Variants in P2RX5 observed in about 807,000 individuals in gnomAD.
P2RX5 encodes purinergic receptor P2X 5.
P2RX5 carries 46 observed loss-of-function variants against 54.1 expected under a neutral mutation model. The observed-to-expected ratio is 0.85, with a 90% CI of 0.67 to 1.09. The LOEUF is 1.09. Among genes scored for constraint, P2RX5 ranks in the 50% least tolerant of loss-of-function variants. The pLI is 0.00. For synonymous variants in P2RX5, 226 were observed against 226.4 expected (o/e 1.00, Z 0.02); for missense variants, 566 against 549.8 (o/e 1.03, Z -0.29).
At chr17:3,676,248 A>G in intron 11 of P2RX5, 3 of 985,436 alleles carry the variant, frequency 3.0e-6, no homozygotes, top group Non-Finnish European at 3.6e-6. Flanking sequence ...TCCCAAGCCC[A>G]ACATCGAAAC....
At chr17:3,693,127 C>A (rs1392821383) in intron 1 of P2RX5, among the ~76,000 whole-genome samples, 218 of 101,548 alleles carry the variant, frequency 2.1e-3, no homozygotes, top group Middle Eastern at 5.9e-3. Context: ...AGACATTTCT[C>A]AAAAAAAAAA....
At chr17:3,703,152 A>T in the P2RX5 span, among the ~76,000 whole-genome samples, 1 of 152,120 alleles carries the variant, frequency 6.6e-6, no homozygotes, top group African/African-American at 2.4e-5. Flanking sequence ...GCGAGAATGT[A>T]TGGTGCAATG....
In P2RX5 at chr17:3,696,058, G is replaced by A; in HGVS notation, c.-53C>T. On this transcript the variant is annotated 5_prime_UTR_variant, in exon 1 of 12. Transcript: ENST00000225328. ...CGCCCGGCCCACGTGCGCTCATGGG[G>A]AGCACTCGGTCCCTCGGTCCCTGCG... is the stretch of plus-strand genomic sequence containing the variant. The A allele has an allele frequency of 1.2e-6, 2 of 1,603,078 alleles. No individual in the cohort carries two copies. Among genetic ancestry groups the A allele is most frequent in the Non-Finnish European group, 1.7e-6 (2 of 1,173,738 alleles).
intron 11 of P2RX5, chr17:3,677,449 T>C (rs1286309787): frequency 2.0e-6 from 2 of 985,364 alleles, no homozygotes; most frequent in African/African-American, 3.5e-5. Context: ...AGCTGCCTCC[T>C]GACTGCTCCA....
At chr17:3,721,075 C>A in the P2RX5 span, among the ~76,000 whole-genome samples, 1 of 151,054 alleles carries the variant, frequency 6.6e-6, no homozygotes, top group Non-Finnish European at 1.5e-5. Flanking sequence ...ACCACAGGTG[C>A]ACCCCACCAC....
intron 8 of P2RX5, 138 bp from the exon 9 acceptor site, chr17:3,688,243 CCTT>C: frequency 1.5e-6 from 1 of 683,632 alleles, no homozygotes; most frequent in East Asian, 2.7e-5. Context: ...GGCTTGCAGA[CCTT>C]CTCACTGAGC....
At chr17:3,680,846 T>A (rs1289495871) in intron 10 of P2RX5, among the ~76,000 whole-genome samples, 19 of 129,190 alleles carry the variant, frequency 1.5e-4, no homozygotes, top group East Asian at 4.8e-4. Context: ...TCCTCCACCC[T>A]GCATCCTCCA....
the P2RX5 span, chr17:3,720,449 A>G: frequency 3.2e-4 from 279 of 871,924 alleles, 1 homozygote; most frequent in African/African-American, 4.2e-3. Context: ...TATTTTAGAC[A>G]TGAACTCACT....
chr17:3,701,527 T>C, the P2RX5 span, among the ~76,000 whole-genome samples: 3 of 152,086 alleles, frequency 2.0e-5, no homozygotes, highest in South Asian at 2.1e-4. Flanking sequence ...ACCCCGTCTC[T>C]ACTAAAAATA....
At chr17:3,677,376 C>T in intron 11 of P2RX5, 1 of 985,340 alleles carries the variant, frequency 1.0e-6, no homozygotes, top group Middle Eastern at 5.2e-4. Context: ...GAGCAGAGGC[C>T]TCTTGCCTCC....
At chr17:3,690,375 C>A in intron 5 of P2RX5, 52 bp downstream of exon 5, 4 of 1,412,986 alleles carry the variant, frequency 2.8e-6, no homozygotes, top group Non-Finnish European at 3.9e-6. Context: ...GGCTGGGACC[C>A]ACCGCACGGG....
chr17:3,679,758 G>T lies in P2RX5; in HGVS notation c.1091C>A (p.Ala364Asp). ...VRGLEDSSQEAEDEASGLGLS... is the reference protein window; with the variant it reads ...VRGLEDSSQEDEDEASGLGLS... ...CCCCAGCCCCGATGCCTCGTCCTCG[G>T]CCTCCTGGGAACTGTCTTCTAGGCC... The change falls in exon 11 of 12, where the codon GCC (alanine) becomes GAC (aspartate). Residue 364 changes from alanine to aspartate, a missense_variant. Physicochemically the swap from Ala to Asp is moderately radical, Grantham distance 126 (BLOSUM62 -2). Coordinates refer to ENST00000225328, the MANE Select transcript of P2RX5 (RefSeq NM_002561.4). 2 of 1,611,418 alleles carry T rather than the reference G, an allele frequency of 1.2e-6. No individual in the cohort carries two copies. The highest frequency in any genetic ancestry group is 1.1e-5 in the South Asian group (1 of 91,086).
At chr17:3,710,736 T>C in the P2RX5 span, among the ~76,000 whole-genome samples, 9 of 151,968 alleles carry the variant, frequency 5.9e-5, no homozygotes, top group Admixed American at 3.9e-4. Flanking sequence ...AAGACCAGCC[T>C]GGCCGACATG....
At chr17:3,676,133 C>T in intron 11 of P2RX5, 1 of 985,490 alleles carries the variant, frequency 1.0e-6, no homozygotes, top group Non-Finnish European at 1.2e-6. Flanking sequence ...CACTTTTCTG[C>T]CAGGTGGCTC....
chr17:3,704,898 C>T, the P2RX5 span, among the ~76,000 whole-genome samples: 2 of 152,122 alleles, frequency 1.3e-5, no homozygotes, highest in Non-Finnish European at 2.9e-5. Context: ...CCCAGCTACT[C>T]GGGAGGCTGA....
At chr17:3,680,248 C>T (rs1184644015) in intron 10 of P2RX5, among the ~76,000 whole-genome samples, 1 of 142,278 alleles carries the variant, frequency 7.0e-6, no homozygotes, top group Non-Finnish European at 1.6e-5. Flanking sequence ...ACCCAGCGTC[C>T]TCCACCCTGC....
At chr17:3,695,747 A>G (rs562858415) in intron 1 of P2RX5, 122 bp downstream of exon 1, 1,311 of 1,206,784 alleles carry the variant, frequency 1.1e-3, no homozygotes, top group Non-Finnish European at 1.5e-3. Context: ...AGGCTCACAG[A>G]CCCCCAGCTA....
At chr17:3,706,856 C>G in the P2RX5 span, among the ~76,000 whole-genome samples, 2 of 152,094 alleles carry the variant, frequency 1.3e-5, no homozygotes, top group Non-Finnish European at 2.9e-5. Flanking sequence ...GTGATCCGCC[C>G]GCCTCGGCCT....
chr17:3,715,228 AC>A, the P2RX5 span, among the ~76,000 whole-genome samples: 1 of 152,348 alleles, frequency 6.6e-6, no homozygotes, highest in East Asian at 1.9e-4. Context: ...TTTCGGCTGT[AC>A]TGGATCTAAT....
Sources: gnomAD v4.1 joint callset for allele counts (sites outside exome capture counted in the v4.1 genomes callset) on GRCh38, gnomAD v4.1.1 for gene constraint, MANE v1.5 for transcripts, NCBI Gene and HGNC (gene_info 2026-07-23, HGNC 2026-07-21) for gene names.